EBF1: variants seen among roughly 807,000 people sequenced by gnomAD.
The protein encoded by EBF1 is transcription factor COE1.
A neutral mutation model predicts 68.4 loss-of-function variants in EBF1; 10 were observed. The observed-to-expected ratio is 0.15, with a 90% CI of 0.09 to 0.25. The LOEUF is 0.25. Ranked by LOEUF, EBF1 falls within the 10% of genes least tolerant of loss-of-function variation. The pLI is 1.00. For synonymous variants in EBF1, 298 were observed against 299.8 expected (o/e 0.99, Z 0.06); for missense variants, 509 against 794.4 (o/e 0.64, Z 4.32).
In EBF1 at chr5:158,969,896, GAAAGAAAGAAAGAAAGAAAGAAA is replaced by G. The variant is rs1561663042; in HGVS notation, c.554+103477_554+103499del. On this transcript the variant is annotated intron_variant, in intron 6 of 15. Coordinates refer to ENST00000313708, the MANE Select transcript of EBF1 (RefSeq NM_024007.5). ...AGAAAGAAAGAAAGAAAGAAAGAAA[GAAAGAAAGAAAGAAAGAAAGAAA>G]AAAAAAAAAAAGGCTGCTGGAAGTT... Among the ~76,000 whole-genome samples the G allele has an allele frequency of 1.1e-3, 114 of 100,038 alleles. 2 individuals are homozygous for G. The highest frequency in any genetic ancestry group is 4.5e-3 in the Middle Eastern group (1 of 224). 65.6% of individuals were successfully genotyped at this position (100,038 alleles called of 152,430 possible).
At chr5:158,969,920 A>AAAG (rs1554094009) in intron 6 of EBF1, among the ~76,000 whole-genome samples, 1,764 of 67,630 alleles carry the variant, frequency 0.026, 35 homozygotes, top group South Asian at 0.046. Flanking sequence ...AAGAAAGAAA[A>AAAG]AAAAAAAAAA....
chr5:158,852,895 A>G (rs999758901), intron 6 of EBF1, among the ~76,000 whole-genome samples: 8 of 152,184 alleles, frequency 5.3e-5, no homozygotes, highest in Non-Finnish European at 7.4e-5. Flanking sequence ...TAAACCTGAA[A>G]CACTGAAAAC....
In EBF1 at chr5:159,099,526, T is replaced by TAAAAAAAAAA. The variant is rs5872586; in HGVS notation, c.-58_-49dup. The TAAAAAAAAAA allele has an allele frequency of 2.7e-6, 3 of 1,103,916 alleles. No homozygotes were observed. The highest frequency in any genetic ancestry group is 1.8e-5 in the African/African-American group (1 of 56,792). 68.4% of individuals were successfully genotyped at this position (1,103,916 alleles called of 1,614,324 possible). ...AAATCTCCTCCCCCTTGAAAAAAAT[T>TAAAAAAAAAA]AAAAAAAAAAAAAAAGGAAAGAAAA... On this transcript the variant is annotated 5_prime_UTR_variant, in exon 1 of 16. Coordinates refer to ENST00000313708, the MANE Select transcript of EBF1 (RefSeq NM_024007.5).
chr5:158,740,189 T>C (rs1351129203), intron 10 of EBF1, among the ~76,000 whole-genome samples: 1 of 152,192 alleles, frequency 6.6e-6, no homozygotes, highest in African/African-American at 2.4e-5. Flanking sequence ...ACAATACTTA[T>C]TACTCTCCTA....
intron 5 of EBF1, among the ~76,000 whole-genome samples, chr5:159,083,854 T>C (rs1451457533): frequency 6.6e-6 from 1 of 152,256 alleles, no homozygotes; most frequent in Admixed American, 6.5e-5. Flanking sequence ...CAGAATATAT[T>C]GGGAGCAAAC....
intron 8 of EBF1, among the ~76,000 whole-genome samples, chr5:158,812,846 A>G (rs910774597): frequency 2.0e-5 from 3 of 152,154 alleles, no homozygotes; most frequent in Non-Finnish European, 4.4e-5. Flanking sequence ...GCTCTCTGAC[A>G]TGCAGACCCT....
At chr5:159,085,649 T>G (rs1780493152) in intron 4 of EBF1, among the ~76,000 whole-genome samples, 1 of 152,224 alleles carries the variant, frequency 6.6e-6, no homozygotes, top group Non-Finnish European at 1.5e-5. Context: ...GGCATAATAC[T>G]AATATCACAC....
chr5:158,987,269 C>G (rs1759278024), intron 6 of EBF1: 3 of 152,230 alleles, frequency 2.0e-5, no homozygotes, highest in Admixed American at 2.0e-4. Flanking sequence ...CCTACAGCCA[C>G]TACTGGGTGG....
rs202175993 is a variant in EBF1, at chr5:158,769,735, AAAG to A, written c.1036+7675_1036+7677del. Among the ~76,000 whole-genome samples, 732 of 152,260 alleles carry A rather than the reference AAAG, an allele frequency of 4.8e-3. 33 individuals carry two copies. In the East Asian group the frequency reaches 0.098, roughly 20 times the overall value. On this transcript the variant is annotated intron_variant, in intron 10 of 15. Coordinates refer to ENST00000313708, the MANE Select transcript of EBF1 (RefSeq NM_024007.5). ...AATCATATGTTGTGGAACAAAAAAAAAAGGAGAGGCTTGGGACCTACCCTTTGT... is the reference window on the plus strand; with the variant it reads ...AATCATATGTTGTGGAACAAAAAAAAGAGAGGCTTGGGACCTACCCTTTGT...
intron 6 of EBF1, among the ~76,000 whole-genome samples, chr5:159,003,919 G>A (rs1243918323): frequency 6.6e-6 from 1 of 152,188 alleles, no homozygotes; most frequent in Non-Finnish European, 1.5e-5. Flanking sequence ...CCAGAACTGT[G>A]AGACACTAAA....
intron 6 of EBF1, among the ~76,000 whole-genome samples, chr5:158,999,779 A>G (rs1270575007): frequency 6.6e-6 from 1 of 152,226 alleles, no homozygotes; most frequent in Non-Finnish European, 1.5e-5. Flanking sequence ...CGAAGCCTCT[A>G]TCCACCATTA....
chr5:158,979,739 CA>C (rs1187846760), intron 6 of EBF1, among the ~76,000 whole-genome samples: 7 of 150,284 alleles, frequency 4.7e-5, no homozygotes, highest in Non-Finnish European at 1.0e-4. Context: ...TTTTCTAAAG[CA>C]AAAATTTCCA....
intron 8 of EBF1, among the ~76,000 whole-genome samples, chr5:158,802,595 G>C (rs960527298): frequency 2.6e-5 from 4 of 152,102 alleles, no homozygotes; most frequent in Admixed American, 6.6e-5. Context: ...TGGCTTCTGA[G>C]TAAAGACAGA....
intron 8 of EBF1, among the ~76,000 whole-genome samples, chr5:158,804,253 G>A (rs1781160666): frequency 6.6e-6 from 1 of 151,918 alleles, no homozygotes; most frequent in Admixed American, 6.6e-5. Flanking sequence ...TAGCTTAGTG[G>A]TGAATATCTA....
At chr5:158,916,036 G>A (rs943622196) in intron 6 of EBF1, among the ~76,000 whole-genome samples, 3 of 152,104 alleles carry the variant, frequency 2.0e-5, no homozygotes, top group African/African-American at 7.2e-5. Flanking sequence ...ACAAGTGTAG[G>A]TGACCTCCTG....
chr5:159,065,863 T>C (rs1450818395), intron 6 of EBF1, among the ~76,000 whole-genome samples: 1 of 152,172 alleles, frequency 6.6e-6, no homozygotes, highest in Non-Finnish European at 1.5e-5. Flanking sequence ...TTTACTGGCA[T>C]TTACTTTTAA....
chr5:159,085,856 C>A (rs9637862), intron 4 of EBF1, among the ~76,000 whole-genome samples: 20,918 of 151,962 alleles, frequency 0.14, 2,184 homozygotes, highest in East Asian at 0.34. Context: ...TGTTTTTGAA[C>A]CTGGGACTTT....
chr5:159,084,548 A>T, intron 5 of EBF1, 118 bp downstream of exon 5: 1 of 821,300 alleles, frequency 1.2e-6, no homozygotes, highest in Non-Finnish European at 1.8e-6. Context: ...TAGATTGTCT[A>T]TAGAAGCAAG....
intron 6 of EBF1, among the ~76,000 whole-genome samples, chr5:158,901,736 T>C (rs1194756293): frequency 6.6e-6 from 1 of 152,180 alleles, no homozygotes; most frequent in Non-Finnish European, 1.5e-5. Context: ...AAGGGAGGTA[T>C]AGAGAATGCA....
Sources: allele counts gnomAD v4.1 joint callset (sites outside exome capture counted in the v4.1 genomes callset), GRCh38; gene constraint gnomAD v4.1.1; transcripts MANE v1.5; gene names NCBI Gene and HGNC (gene_info 2026-07-23, HGNC 2026-07-21).